Variants in MKI67 observed in about 807,000 individuals in gnomAD.
The protein encoded by MKI67 is proliferation marker protein Ki-67.
In MKI67, 152 loss-of-function variants were observed where a neutral mutation model predicts 233.5. The ratio of observed to expected loss-of-function variants is 0.65; its 90% CI spans 0.57 to 0.74. The LOEUF (loss-of-function observed/expected upper bound fraction) is 0.74. Among genes scored for constraint, MKI67 ranks in the 30% least tolerant of loss-of-function variants. MKI67 has a pLI of 0.00. For synonymous variants in MKI67, 1,465 were observed against 1,418.5 expected (o/e 1.03, Z -0.74); for missense variants, 3,940 against 3,885.2 (o/e 1.01, Z -0.37).
Position 128,112,063 on chromosome 10 carries a change from C to T in MKI67, c.1970-18G>A, listed in dbSNP as rs371768554. The T allele has an allele frequency of 3.3e-5, 53 of 1,606,742 alleles. No individual in the cohort carries two copies. Among genetic ancestry groups the T allele is most frequent in the African/African-American group, 3.2e-4 (24 of 74,450 alleles). On this transcript the variant is annotated intron_variant, in intron 9 of 14. Transcript: ENST00000368654. Reference sequence around the variant, plus strand: ...TTTTGCAACTGTCAAAGGGAAAAGACGAAACTTTTCAAAAATTAGCATTCA... The same window carrying T: ...TTTTGCAACTGTCAAAGGGAAAAGATGAAACTTTTCAAAAATTAGCATTCA...
At position 128,104,418 on chromosome 10, in the gene MKI67, G is replaced by A; in HGVS notation, c.7422C>T (p.Thr2474=). 6.2e-7 allele frequency: 1 copy of A among 1,613,868 alleles called. No individual in the cohort carries two copies. ...CKSPQPESFK[T]SRSSKQRLKI... ...TGAGCCTTTGCTTGGAGCTTCTTGA[G>A]GTTTTGAATGACTCTGGCTGTGGAG... Residue 2474 remains threonine (T), a synonymous_variant, in exon 13 of 15, where the codon ACC becomes ACT. Coordinates refer to ENST00000368654, the MANE Select transcript of MKI67 (RefSeq NM_002417.5).
chr10:128,115,942 G>T lies in MKI67; in HGVS notation c.466C>A (p.Gln156Lys). ...TCTTTGACATTCTTGATATGTACCT[G>T]AGGATTTCCTGAAACTTTTCCTTCA... ...ITEGKVSGNP[Q>K]VHIKNVKEDS... The change falls in exon 7 of 15, where the codon CAG becomes AAG. Residue 156 changes from glutamine to lysine, a missense_variant. Transcript: ENST00000368654. 1 of 1,610,058 alleles carries T rather than the reference G, an allele frequency of 6.2e-7. No homozygotes were observed.
chr10:128,125,463 A>G lies in MKI67; in HGVS notation c.92+113T>C. ...TTAGTAACGAATGGGAGAAGCACCA[A>G]GGAAAAGTGACGGCAGGACCCAATC... On this transcript the variant is annotated intron_variant, in intron 2 of 14. Coordinates refer to ENST00000368654, the MANE Select transcript of MKI67 (RefSeq NM_002417.5). This position sits in a 1 kb window ranked among gnomAD's most constrained non-coding sequence, Gnocchi z 5.3. The G allele has an allele frequency of 1.2e-6, 1 of 816,328 alleles. No homozygotes were observed. The highest frequency in any genetic ancestry group is 1.4e-5 in the South Asian group (1 of 69,816). The allele number at this position is 816,328 out of a possible 1,614,324, so 50.6% of individuals were successfully genotyped here. A position where few individuals can be genotyped will look rare whatever the true frequency, so the allele number is the denominator to read the frequency against.
At chr10:128,119,361 T>A (rs753647289) in intron 4 of MKI67, 42 bp from the exon 5 acceptor site, 2 of 1,422,124 alleles carry the variant, frequency 1.4e-6, no homozygotes, top group South Asian at 2.3e-5. Flanking sequence ...TAAAAATTTA[T>A]ACCCTGGGGC....
In MKI67 at chr10:128,107,875, A is replaced by G; in HGVS notation, c.3965T>C (p.Leu1322Pro). 1.9e-6 allele frequency: 3 copies of G among 1,612,718 alleles called. No homozygotes were observed. The highest frequency in any genetic ancestry group is 1.7e-6 in the Non-Finnish European group (2 of 1,179,768). Reference protein sequence around the residue: ...FVGTPVQKLDLTENLTGSKRR... With the variant: ...FVGTPVQKLDPTENLTGSKRR... ...CTTGCTGCCGGTTAAGTTCTCTGTC[A>G]GGTCCAGTTTCTGCACTGGAGTTCC... The change falls in exon 13 of 15, where the codon CTG becomes CCG. Residue 1322 changes from leucine to proline, a missense_variant. Coordinates refer to ENST00000368654, the MANE Select transcript of MKI67 (RefSeq NM_002417.5).
Position 128,112,049 on chromosome 10 carries a change from T to G in MKI67, c.1970-4A>C. 1 of 1,609,484 alleles carries G rather than the reference T, an allele frequency of 6.2e-7. No individual in the cohort carries two copies. The highest frequency in any genetic ancestry group is 1.3e-5 in the African/African-American group (1 of 74,560). ...ACATCTGCCCATGATTTTGCAACTG[T>G]CAAAGGGAAAAGACGAAACTTTTCA... On this transcript the variant is annotated splice_region_variant and splice_polypyrimidine_tract_variant and intron_variant, in intron 9 of 14. Coordinates refer to ENST00000368654, the MANE Select transcript of MKI67 (RefSeq NM_002417.5).
chr10:128,107,563 C>A lies in MKI67; in HGVS notation c.4277G>T (p.Gly1426Val). 1 of 1,614,092 alleles carries A rather than the reference C, an allele frequency of 6.2e-7. No individual in the cohort carries two copies. Among genetic ancestry groups the A allele is most frequent in the Non-Finnish European group, 8.5e-7 (1 of 1,180,036 alleles). ...ETTHTDKVPG[G>V]EDKSINAFRE... ...AAACGCGTTGATGCTTTTATCCTCACCTCCTGGTACTTTATCTGTGTGTGT... is the reference window on the plus strand; with the variant it reads ...AAACGCGTTGATGCTTTTATCCTCAACTCCTGGTACTTTATCTGTGTGTGT... The change falls in exon 13 of 15, where the codon GGT becomes GTT. Residue 1426 changes from glycine to valine, a missense_variant. Gly to Val is a moderately radical substitution (Grantham distance 109, BLOSUM62 -3). Coordinates refer to ENST00000368654, the MANE Select transcript of MKI67 (RefSeq NM_002417.5).
At chr10:128,110,559 T>C in intron 11 of MKI67, 26 bp from the exon 12 acceptor site, 7 of 1,522,492 alleles carry the variant, frequency 4.6e-6, no homozygotes, top group Non-Finnish European at 6.3e-6. Context: ...ATTTGAAAAG[T>C]GATTGACATA....
rs998056598 is a variant in MKI67, at chr10:128,097,164, A to G, written c.*2026T>C. On this transcript the variant is annotated 3_prime_UTR_variant, in exon 15 of 15. Coordinates refer to ENST00000368654, the MANE Select transcript of MKI67 (RefSeq NM_002417.5). Reference sequence around the variant, plus strand: ...TAATGGGAATGTCCTATTACATGGAAATTCACTTGGAAACTGAAGCTCAGA... The same window carrying G: ...TAATGGGAATGTCCTATTACATGGAGATTCACTTGGAAACTGAAGCTCAGA... The G allele has an allele frequency of 2.0e-5, 3 of 152,198 alleles. No individual in the cohort carries two copies. The highest frequency in any genetic ancestry group is 1.3e-4 in the Admixed American group (2 of 15,284). The allele number at this position is 152,198 out of a possible 1,614,324, so 9.4% of individuals were successfully genotyped here.
In MKI67 at chr10:128,125,879, C is replaced by G. The variant is rs1853044808; in HGVS notation, c.-89-123G>C. The G allele has an allele frequency of 1.1e-5, 6 of 559,890 alleles. No individual in the cohort carries two copies. The South Asian group carries it at 1.2e-4, about 11-fold the overall frequency. The allele number at this position is 559,890 out of a possible 1,614,324, so 34.7% of individuals were successfully genotyped here. On this transcript the variant is annotated intron_variant, in intron 1 of 14. Transcript: ENST00000368654. This position sits in a 1 kb window ranked among gnomAD's most constrained non-coding sequence, Gnocchi z 5.3. The stretch of plus-strand genomic sequence containing the variant: ...TAGCTAGCGGGGACCCCAGGACGAT[C>G]CGACCGCAGCCCCCGGCGCCCCAAA...
In MKI67 at chr10:128,104,949, A is replaced by G; in HGVS notation, c.6891T>C (p.Pro2297=). The stretch of plus-strand genomic sequence containing the variant: ...GAGTTTGTGGCCATCTTTTGCTGCC[A>G]GGTAAATTTCCTGGCAGGTCCAATT... The part of the protein sequence containing the change: ...VQKLDLPGNL[P]GSKRWPQTPK... Residue 2297 remains proline, a synonymous_variant, in exon 13 of 15, where the codon CCT becomes CCC. Coordinates refer to ENST00000368654, the MANE Select transcript of MKI67 (RefSeq NM_002417.5). 1 of 1,613,124 alleles carries G rather than the reference A, an allele frequency of 6.2e-7. No homozygotes were observed. The highest frequency in any genetic ancestry group is 8.5e-7 in the Non-Finnish European group (1 of 1,179,888).
At position 128,106,674 on chromosome 10, in the gene MKI67, G is replaced by A. The variant is rs778677364; in HGVS notation, c.5166C>T (p.His1722=). 10 of 1,614,190 alleles carry A rather than the reference G, an allele frequency of 6.2e-6. No homozygotes were observed. The East Asian group carries it at 2.2e-4, about 36-fold the overall frequency. The change falls in exon 13 of 15, where the codon CAC becomes CAT. Residue 1722 remains histidine, a synonymous_variant. Coordinates refer to ENST00000368654, the MANE Select transcript of MKI67 (RefSeq NM_002417.5). ...TTTCGTTAGTCATTGATTCCTTAGTGTGACTTGGTGTCTGGAAGAGCTCGA... is the reference window on the plus strand; with the variant it reads ...TTTCGTTAGTCATTGATTCCTTAGTATGACTTGGTGTCTGGAAGAGCTCGA... The part of the protein sequence containing the change: ...GFIELFQTPS[H]TKESMTNEKT...
rs770088877 is a variant in MKI67, at chr10:128,101,322, A to G, written c.9641T>C (p.Leu3214Ser). 2.5e-6 allele frequency: 4 copies of G among 1,614,076 alleles called. No individual in the cohort carries two copies. In the African/African-American group the frequency reaches 4.0e-5, roughly 16 times the overall value. Residue 3214 changes from leucine to serine, a missense_variant, in exon 14 of 15, where the codon TTG becomes TCG. By Grantham distance (145) the Leu-to-Ser change is moderately radical (BLOSUM62 -2). Coordinates refer to ENST00000368654, the MANE Select transcript of MKI67 (RefSeq NM_002417.5). ...KTKSQPAAST[L>S]ESKSVQRVTR... ...TACTCTCTGCACAGATTTGCTCTCCAAAGTGCTTGCTGCAGGCTGGCTTTT... is the reference window on the plus strand; with the variant it reads ...TACTCTCTGCACAGATTTGCTCTCCGAAGTGCTTGCTGCAGGCTGGCTTTT...
rs1852690785 is a variant in MKI67 at position 128,112,050 on chromosome 10, C to T, written c.1970-5G>A. ...CATCTGCCCATGATTTTGCAACTGT[C>T]AAAGGGAAAAGACGAAACTTTTCAA... is the stretch of plus-strand genomic sequence containing the variant. On this transcript the variant is annotated splice_region_variant and splice_polypyrimidine_tract_variant and intron_variant, in intron 9 of 14. Coordinates refer to ENST00000368654, the MANE Select transcript of MKI67 (RefSeq NM_002417.5). 8.1e-6 allele frequency: 13 copies of T among 1,609,240 alleles called. No individual in the cohort carries two copies. Among genetic ancestry groups the T allele is most frequent in the Non-Finnish European group, 1.1e-5 (13 of 1,178,480 alleles).
intron 12 of MKI67, among the ~76,000 whole-genome samples, 167 bp downstream of exon 12, chr10:128,110,211 C>T (rs1236223876): frequency 2.0e-5 from 3 of 152,160 alleles, no homozygotes; most frequent in South Asian, 4.1e-4. Flanking sequence ...AATGTTAGTT[C>T]AACTGCTGAT....
At chr10:128,110,662 T>G (rs998561914) in intron 11 of MKI67, 129 bp from the exon 12 acceptor site, 65 of 587,770 alleles carry the variant, frequency 1.1e-4, no homozygotes, top group Middle Eastern at 9.9e-4. Flanking sequence ...TCCTGGTACA[T>G]AGGCCTCATA....
At position 128,103,880 on chromosome 10, in the gene MKI67, G is replaced by C; in HGVS notation, c.7960C>G (p.Pro2654Ala). ...KVLKQRAKKKPNPVEEEPSRR... is the reference protein window; with the variant it reads ...KVLKQRAKKKANPVEEEPSRR... ...CTGGGTTCCTCTTCTACTGGGTTTG[G>C]TTTCTTCTTTGCACGTTGCTTCAAT... Residue 2654 changes from proline (P) to alanine (A), a missense_variant, in exon 13 of 15, where the codon CCA (proline) becomes GCA (alanine). Coordinates refer to ENST00000368654, the MANE Select transcript of MKI67 (RefSeq NM_002417.5). 6.2e-7 allele frequency: 1 copy of C among 1,613,796 alleles called. No individual in the cohort carries two copies. Among genetic ancestry groups the C allele is most frequent in the East Asian group, 2.2e-5 (1 of 44,838 alleles).
rs747201391 is a variant in MKI67, at chr10:128,106,185, G to A, written c.5655C>T (p.Asp1885=). Residue 1885 remains aspartate, a synonymous_variant, in exon 13 of 15, where the codon GAC becomes GAT. Coordinates refer to ENST00000368654, the MANE Select transcript of MKI67 (RefSeq NM_002417.5). ...QRPKRSLKKA[D]VEEEFLAFRK... is the part of the protein sequence containing the mutation. Reference sequence around the variant, plus strand: ...TGAATGCTAAAAATTCTTCCTCTACGTCTGCTTTCTTGAGGCTTCTCTTGG... The same window carrying A: ...TGAATGCTAAAAATTCTTCCTCTACATCTGCTTTCTTGAGGCTTCTCTTGG... The A allele has an allele frequency of 1.2e-5, 19 of 1,613,348 alleles. No homozygotes were observed. The highest frequency in any genetic ancestry group is 8.8e-5 in the South Asian group (8 of 91,042).
In MKI67 at chr10:128,104,184, C is replaced by G; in HGVS notation, c.7656G>C (p.Lys2552Asn). The G allele has an allele frequency of 1.9e-6, 3 of 1,613,876 alleles. No homozygotes were observed. The highest frequency in any genetic ancestry group is 2.5e-6 in the Non-Finnish European group (3 of 1,179,980). Reference sequence around the variant, plus strand: ...CAACCAGGTCTTCTAGAGCACGGGCCTTTTCCTTACGAGTTCTCAGCTGCC... The same window carrying G: ...CAACCAGGTCTTCTAGAGCACGGGCGTTTTCCTTACGAGTTCTCAGCTGCC... ...SRRQLRTRKE[K>N]ARALEDLVDF... Residue 2552 changes from lysine to asparagine, a missense_variant, in exon 13 of 15, where the codon AAG (lysine) becomes AAC (asparagine). Transcript: ENST00000368654.
Sources: allele counts gnomAD v4.1 joint callset (sites outside exome capture counted in the v4.1 genomes callset), GRCh38; gene constraint gnomAD v4.1.1; non-coding constraint Gnocchi (gnomAD v3.1); transcripts MANE v1.5; gene names NCBI Gene and HGNC (gene_info 2026-07-23, HGNC 2026-07-21).